CCDC91: variants seen among roughly 807,000 people sequenced by gnomAD.
CCDC91 encodes coiled-coil domain containing 91.
A neutral mutation model predicts 63.2 loss-of-function variants in CCDC91; 48 were observed. The observed-to-expected ratio is 0.76, with a 90% CI of 0.60 to 0.97. The LOEUF (loss-of-function observed/expected upper bound fraction) is 0.97. CCDC91 is among the 50% of genes least tolerant of loss of function. The probability of loss-of-function intolerance (pLI) is 0.00; values close to 1 mark genes in which losing one functional copy is unlikely to be tolerated. For synonymous variants in CCDC91, 167 were observed against 165.8 expected (o/e 1.01, Z -0.06); for missense variants, 500 against 494.6 (o/e 1.01, Z -0.10).
intron 11 of CCDC91, among the ~76,000 whole-genome samples, chr12:28,480,314 AT>A (rs1951376206): frequency 6.6e-6 from 1 of 151,892 alleles, no homozygotes; most frequent in African/African-American, 2.4e-5. Context: ...ACATTGTGAT[AT>A]CTCCTTCCTT....
intron 7 of CCDC91, among the ~76,000 whole-genome samples, chr12:28,378,032 T>G (rs1945055311): frequency 6.6e-6 from 1 of 152,052 alleles, no homozygotes; most frequent in Non-Finnish European, 1.5e-5. Flanking sequence ...ATTTAAATAT[T>G]AGGGTATTGA....
chr12:28,430,393 T>C (rs1948566567), intron 8 of CCDC91, among the ~76,000 whole-genome samples: 2 of 152,084 alleles, frequency 1.3e-5, no homozygotes, highest in African/African-American at 4.8e-5. Context: ...AAATCAGATA[T>C]ATTCACTGCC....
At chr12:28,509,165 C>T (rs117768157) in intron 12 of CCDC91, among the ~76,000 whole-genome samples, 1,670 of 152,010 alleles carry the variant, frequency 0.011, 17 homozygotes, top group South Asian at 0.025. Context: ...GGTGCTAAAT[C>T]CTGTGAGAGA....
intron 1 of CCDC91, among the ~76,000 whole-genome samples, chr12:28,231,429 T>C (rs1364014729): frequency 6.6e-6 from 1 of 152,224 alleles, no homozygotes; most frequent in East Asian, 1.9e-4. Flanking sequence ...AGAAATATCT[T>C]TGTACATCCT....
intron 8 of CCDC91, among the ~76,000 whole-genome samples, chr12:28,400,101 C>G (rs181164372): frequency 1.6e-4 from 24 of 152,318 alleles, no homozygotes; most frequent in Non-Finnish European, 2.8e-4. Flanking sequence ...ATGGGTCCAC[C>G]CCTGCAGCAA....
At chr12:28,216,477 A>G (rs1378990293) in intron 1 of CCDC91, among the ~76,000 whole-genome samples, 1 of 151,976 alleles carries the variant, frequency 6.6e-6, no homozygotes, top group Non-Finnish European at 1.5e-5. Context: ...AAGTTGTGCC[A>G]TCTTTTTGGG....
At chr12:28,351,977 A>G (rs1943213448) in intron 6 of CCDC91, among the ~76,000 whole-genome samples, 1 of 152,178 alleles carries the variant, frequency 6.6e-6, no homozygotes, top group East Asian at 1.9e-4. Context: ...TGCCTTGGAG[A>G]TACTGCAGAG....
At chr12:28,426,123 A>G (rs1592639492) in intron 8 of CCDC91, among the ~76,000 whole-genome samples, 1 of 152,118 alleles carries the variant, frequency 6.6e-6, no homozygotes, top group African/African-American at 2.4e-5. Flanking sequence ...TCAACACTAA[A>G]TATGTCACTT....
At chr12:28,293,770 C>T (rs1949388901) in intron 3 of CCDC91, among the ~76,000 whole-genome samples, 1 of 151,734 alleles carries the variant, frequency 6.6e-6, no homozygotes, top group African/African-American at 2.4e-5. Context: ...GGTCTGCCAC[C>T]CAGGCTGGAG....
intron 1 of CCDC91, among the ~76,000 whole-genome samples, chr12:28,213,460 A>G (rs993412909): frequency 1.6e-4 from 25 of 152,268 alleles, no homozygotes; most frequent in African/African-American, 5.8e-4. Flanking sequence ...CAGAAGGAAC[A>G]TAAAGCTGGA....
At chr12:28,413,943 C>T (rs1358705153) in intron 8 of CCDC91, among the ~76,000 whole-genome samples, 7 of 152,130 alleles carry the variant, frequency 4.6e-5, no homozygotes, top group Admixed American at 2.0e-4. Context: ...CCTTTCTCTA[C>T]GATCTCTTTC....
intron 1 of CCDC91, among the ~76,000 whole-genome samples, chr12:28,206,395 C>T (rs924769282): frequency 1.6e-4 from 25 of 152,254 alleles, no homozygotes; most frequent in Non-Finnish European, 3.1e-4. Flanking sequence ...TCTTGTCATT[C>T]CACTTGAAGA....
chr12:28,400,395 CT>C (rs1946550214), intron 8 of CCDC91, among the ~76,000 whole-genome samples: 1 of 150,384 alleles, frequency 6.6e-6, no homozygotes, highest in South Asian at 2.1e-4. Flanking sequence ...TTTTTCCCCC[CT>C]AGGCCTCCAG....
chr12:28,517,709 T>G (rs1467350242), intron 12 of CCDC91, among the ~76,000 whole-genome samples: 1 of 151,924 alleles, frequency 6.6e-6, no homozygotes, highest in Non-Finnish European at 1.5e-5. Flanking sequence ...TTAGTGGTGA[T>G]TTGTGAGATT....
chr12:28,286,915 T>C (rs1948948413), intron 3 of CCDC91, among the ~76,000 whole-genome samples: 1 of 152,212 alleles, frequency 6.6e-6, no homozygotes, highest in South Asian at 2.1e-4. Flanking sequence ...TTATGACTGG[T>C]ATGAAATAGT....
chr12:28,497,273 G>A (rs534150095), intron 12 of CCDC91, among the ~76,000 whole-genome samples: 1 of 151,378 alleles, frequency 6.6e-6, no homozygotes, highest in South Asian at 2.1e-4. Flanking sequence ...CATGGCCTCT[G>A]CTATTTTTCA....
chr12:28,459,468 CTT>C (rs1192100885), intron 11 of CCDC91, among the ~76,000 whole-genome samples: 1 of 152,078 alleles, frequency 6.6e-6, no homozygotes, highest in African/African-American at 2.4e-5. Flanking sequence ...CAATTTGGCT[CTT>C]AGAGTTTTGG....
intron 6 of CCDC91, among the ~76,000 whole-genome samples, chr12:28,339,308 G>T (rs1942246020): frequency 6.6e-6 from 1 of 152,048 alleles, no homozygotes; most frequent in Non-Finnish European, 1.5e-5. Flanking sequence ...AGAGGTGAGG[G>T]AATCAGTTTA....
At chr12:28,544,031 C>T (rs890085364) in intron 12 of CCDC91, among the ~76,000 whole-genome samples, 1 of 151,336 alleles carries the variant, frequency 6.6e-6, no homozygotes, top group Non-Finnish European at 1.5e-5. Flanking sequence ...CCACTCTTGT[C>T]CCGCTACAGT....
Sources: allele counts gnomAD v4.1 joint callset (sites outside exome capture counted in the v4.1 genomes callset), GRCh38; gene constraint gnomAD v4.1.1; transcripts MANE v1.5; gene names NCBI Gene and HGNC (gene_info 2026-07-23, HGNC 2026-07-21).